The following ADARB2 variants were observed in gnomAD, a reference collection of about 807,000 sequenced individuals.
The protein encoded by ADARB2 is adenosine deaminase RNA specific B2 (inactive).
A neutral mutation model predicts 62.2 loss-of-function variants in ADARB2; 25 were observed. The ratio of observed to expected loss-of-function variants is 0.40; its 90% CI spans 0.29 to 0.56. ADARB2 has a LOEUF of 0.56. Among genes scored for constraint, ADARB2 ranks in the 20% least tolerant of loss-of-function variants. The pLI, the probability that ADARB2 is intolerant of heterozygous loss-of-function variation, is 0.43. For synonymous variants in ADARB2, 572 were observed against 500.8 expected (o/e 1.14, Z -1.90); for missense variants, 1,071 against 1,077.4 (o/e 0.99, Z 0.08).
At chr10:1,195,611 G>T (rs955957917) in intron 8 of ADARB2, among the ~76,000 whole-genome samples, 1 of 152,056 alleles carries the variant, frequency 6.6e-6, no homozygotes, top group African/African-American at 2.4e-5. Flanking sequence ...CCATGGAGAG[G>T]CTGATCCTGG....
chr10:1,648,615 GC>G (rs1012671036), intron 1 of ADARB2, among the ~76,000 whole-genome samples: 108 of 152,196 alleles, frequency 7.1e-4, no homozygotes, highest in African/African-American at 2.4e-3. Flanking sequence ...AGAGACCCTG[GC>G]CCCCGTGGAA....
chr10:1,462,285 C>T (rs1266746736), intron 1 of ADARB2, among the ~76,000 whole-genome samples: 2 of 152,160 alleles, frequency 1.3e-5, no homozygotes, highest in Non-Finnish European at 2.9e-5. Context: ...GTTCTCTTGG[C>T]CAAGTGTCCC....
intron 1 of ADARB2, among the ~76,000 whole-genome samples, chr10:1,506,496 T>A (rs1375683096): frequency 6.6e-6 from 1 of 152,188 alleles, no homozygotes; most frequent in Non-Finnish European, 1.5e-5. Flanking sequence ...TTCTGTTAGT[T>A]TCAGCGACAG....
At chr10:1,486,942 G>C (rs374477626) in intron 1 of ADARB2, among the ~76,000 whole-genome samples, 2 of 152,222 alleles carry the variant, frequency 1.3e-5, no homozygotes, top group East Asian at 1.9e-4. Flanking sequence ...GAGAGAACAC[G>C]CGAATCTCTG....
chr10:1,546,932 C>T (rs183233748), intron 1 of ADARB2, among the ~76,000 whole-genome samples: 122 of 152,282 alleles, frequency 8.0e-4, no homozygotes, highest in Non-Finnish European at 1.5e-3. Flanking sequence ...CTGTGAAGTG[C>T]GAACACACTC....
chr10:1,696,375 G>A (rs980418436), intron 1 of ADARB2, among the ~76,000 whole-genome samples: 2 of 152,040 alleles, frequency 1.3e-5, no homozygotes, highest in African/African-American at 2.4e-5. Flanking sequence ...GAGTGAGGTC[G>A]TGACAGATTT....
rs531106674 is a variant in ADARB2 at position 1,199,254 on chromosome 10, C to T, written c.1864+712G>A. Among the ~76,000 whole-genome samples the T allele has an allele frequency of 1.3e-3, 190 of 150,890 alleles. 1 individual carries two copies. Among genetic ancestry groups the T allele is most frequent in the African/African-American group, 4.4e-3 (181 of 41,132 alleles). On this transcript the variant is annotated intron_variant, in intron 8 of 9. Coordinates refer to ENST00000381312, the MANE Select transcript of ADARB2 (RefSeq NM_018702.4). ...GCTGTTCCTGTGAAAGGCCAGGAGT[C>T]GCCTCCTGTCAGTGTGTCCTTCACA...
At chr10:1,281,534 C>T (rs1589176600) in intron 3 of ADARB2, among the ~76,000 whole-genome samples, 5 of 152,376 alleles carry the variant, frequency 3.3e-5, no homozygotes. Flanking sequence ...GAGAATCTGT[C>T]CAGCTCTCGT....
intron 1 of ADARB2, among the ~76,000 whole-genome samples, chr10:1,614,931 C>T (rs1340239606): frequency 6.7e-6 from 1 of 149,190 alleles, no homozygotes; most frequent in East Asian, 1.9e-4. Flanking sequence ...AATAAAATGC[C>T]CTTTTTGTTT....
At chr10:1,619,953 T>C (rs944228174) in intron 1 of ADARB2, among the ~76,000 whole-genome samples, 5 of 151,840 alleles carry the variant, frequency 3.3e-5, no homozygotes, top group African/African-American at 1.2e-4. Context: ...AAATAACCCA[T>C]GGATCAATAA....
intron 1 of ADARB2, among the ~76,000 whole-genome samples, chr10:1,410,264 GC>G (rs1294664661): frequency 1.5e-5 from 2 of 133,908 alleles, no homozygotes; most frequent in Admixed American, 1.4e-4. Context: ...CCGAGGCCTG[GC>G]CGTGGTCATG....
Position 1,266,015 on chromosome 10 carries a change from G to C in ADARB2, c.1192+4940C>G, listed in dbSNP as rs1347625266. On this transcript the variant is annotated intron_variant, in intron 4 of 9. Coordinates refer to ENST00000381312, the MANE Select transcript of ADARB2 (RefSeq NM_018702.4). ...TCCACGCTCCCCCGGAAGACGGCCT[G>C]AGAGGGGGGCCCAGGGTCCCCCGGA... Among the ~76,000 whole-genome samples, 21 of 125,498 alleles carry C rather than the reference G, an allele frequency of 1.7e-4. 3 individuals are homozygous for C. The highest frequency in any genetic ancestry group is 6.7e-4 in the African/African-American group (21 of 31,176). 82.3% of individuals were successfully genotyped at this position (125,498 alleles called of 152,430 possible). A position where few individuals can be genotyped will look rare whatever the true frequency, so the allele number is the denominator to read the frequency against.
chr10:1,379,179 G>A lies in ADARB2; in HGVS notation c.101-19C>T, dbSNP rs753336156. 2 of 1,582,182 alleles carry A rather than the reference G, an allele frequency of 1.3e-6. No homozygotes were observed. The highest frequency in any genetic ancestry group is 2.2e-5 in the East Asian group (1 of 44,694). On this transcript the variant is annotated intron_variant, in intron 1 of 9. Coordinates refer to ENST00000381312, the MANE Select transcript of ADARB2 (RefSeq NM_018702.4). ...ACTTTATCTGGAAAGAAAAGAACAGGAAATGCACTTTTGACATGGAGTTGC... is the reference window on the plus strand; with the variant it reads ...ACTTTATCTGGAAAGAAAAGAACAGAAAATGCACTTTTGACATGGAGTTGC...
rs1164347687 is a variant in ADARB2 at position 1,238,566 on chromosome 10, T to C, written c.1361+3565A>G. Reference sequence around the variant, plus strand: ...CCCTCCCTCCCGGTGTTCACTCCCCTCTCCCTCCCGGTGTTCACTCCCCTC... The same window carrying C: ...CCCTCCCTCCCGGTGTTCACTCCCCCCTCCCTCCCGGTGTTCACTCCCCTC... On this transcript the variant is annotated intron_variant, in intron 5 of 9. Coordinates refer to ENST00000381312, the MANE Select transcript of ADARB2 (RefSeq NM_018702.4). Among the ~76,000 whole-genome samples, 23 of 2,494 alleles carry C rather than the reference T, an allele frequency of 9.2e-3. No homozygotes were observed. In the African/African-American group the frequency reaches 0.097, roughly 11 times the overall value. 1.6% of individuals were successfully genotyped at this position (2,494 alleles called of 152,430 possible).
Position 1,363,436 on chromosome 10 carries a change from G to C in ADARB2, c.669C>G (p.Leu223=), listed in dbSNP as rs1281986618. 7.1e-7 allele frequency: 1 copy of C among 1,402,438 alleles called. No homozygotes were observed. Among genetic ancestry groups the C allele is most frequent in the East Asian group, 3.0e-5 (1 of 33,642 alleles). The allele number at this position is 1,402,438 out of a possible 1,614,324, so 86.9% of individuals were successfully genotyped here. The part of the protein sequence containing the change: ...TSDQADFPDT[L]FQEFEPPAPR... The stretch of plus-strand genomic sequence containing the variant: ...GCGCCGGGGGCTCGAACTCCTGGAA[G>C]AGCGTGTCGGGGAAATCGGCCTGGT... Residue 223 remains leucine, a synonymous_variant, in exon 3 of 10, where the codon CTC becomes CTG. Transcript: ENST00000381312.
chr10:1,518,876 C>A (rs1832039523), intron 1 of ADARB2, among the ~76,000 whole-genome samples: 1 of 151,750 alleles, frequency 6.6e-6, no homozygotes, highest in South Asian at 2.1e-4. Flanking sequence ...CACATGCATT[C>A]CATGTAACAT....
chr10:1,212,216 G>T (rs534451240), intron 7 of ADARB2, among the ~76,000 whole-genome samples: 2 of 152,308 alleles, frequency 1.3e-5, no homozygotes, highest in African/African-American at 4.8e-5. Context: ...TTTAATTTTT[G>T]TTTTTGTGCA....
chr10:1,368,905 G>C (rs1832339115), intron 2 of ADARB2, among the ~76,000 whole-genome samples: 1 of 152,228 alleles, frequency 6.6e-6, no homozygotes, highest in Non-Finnish European at 1.5e-5. Flanking sequence ...GAGGGTGGGG[G>C]CCGAGCTTGC....
intron 1 of ADARB2, among the ~76,000 whole-genome samples, chr10:1,694,897 C>G (rs1834719793): frequency 6.6e-6 from 1 of 152,048 alleles, no homozygotes; most frequent in African/African-American, 2.4e-5. Context: ...GGCACCTGAG[C>G]CACGTGCATC....
Sources: gnomAD v4.1 joint callset for allele counts (sites outside exome capture counted in the v4.1 genomes callset) on GRCh38, gnomAD v4.1.1 for gene constraint, MANE v1.5 for transcripts, NCBI Gene and HGNC (gene_info 2026-07-23, HGNC 2026-07-21) for gene names.